Variants in IKZF1 observed in about 807,000 individuals in gnomAD.
IKZF1 encodes IKAROS family zinc finger 1, also known as DNA-binding protein Ikaros.
IKZF1 carries 10 observed loss-of-function variants against 51.7 expected under a neutral mutation model. The ratio of observed to expected loss-of-function variants is 0.19; its 90% CI spans 0.12 to 0.33. The LOEUF (loss-of-function observed/expected upper bound fraction) is 0.33, where lower values mean the gene tolerates loss of function less well. IKZF1 is among the 10% of genes least tolerant of loss of function. IKZF1 has a pLI of 1.00. For synonymous variants in IKZF1, 280 were observed against 282.3 expected, an observed-to-expected ratio of 0.99 and a Z score of 0.08; for missense variants, 484 against 707.5, an observed-to-expected ratio of 0.68 and a Z score of 3.58.
intron 2 of IKZF1, among the ~76,000 whole-genome samples, chr7:50,322,379 G>A (rs1204256638): frequency 1.3e-5 from 2 of 152,140 alleles, no homozygotes; most frequent in Non-Finnish European, 2.9e-5. Context: ...TAGATAAACA[G>A]ATAAATACTT....
At chr7:50,366,317 A>G (rs1806935110) in intron 3 of IKZF1, among the ~76,000 whole-genome samples, 1 of 152,240 alleles carries the variant, frequency 6.6e-6, no homozygotes, top group Non-Finnish European at 1.5e-5. Context: ...TTCAATGGCA[A>G]TGTGTGAAGT....
intron 3 of IKZF1, chr7:50,369,828 C>T (rs545992769): frequency 2.7e-6 from 1 of 366,646 alleles, no homozygotes; most frequent in Non-Finnish European, 4.8e-6. Context: ...TGACTTCATT[C>T]CATTTAAAGG....
intron 3 of IKZF1, among the ~76,000 whole-genome samples, chr7:50,332,911 G>A (rs1222144457): frequency 1.3e-5 from 2 of 152,150 alleles, no homozygotes; most frequent in Non-Finnish European, 2.9e-5. Flanking sequence ...AGTTGGGAGG[G>A]GATCGCCATG....
chr7:50,316,693 T>C (rs144444118), intron 1 of IKZF1, among the ~76,000 whole-genome samples: 4 of 152,338 alleles, frequency 2.6e-5, no homozygotes, highest in African/African-American at 7.2e-5. Flanking sequence ...CTTGAAACTG[T>C]TCTCACATCT....
intron 2 of IKZF1, among the ~76,000 whole-genome samples, chr7:50,325,068 TGG>T (rs1794520337): frequency 6.6e-6 from 1 of 152,128 alleles, no homozygotes; most frequent in Admixed American, 6.5e-5. Flanking sequence ...GTTTACTCAT[TGG>T]GATAGCATGT....
intron 7 of IKZF1, 65 bp downstream of exon 7, chr7:50,391,928 A>G: frequency 6.5e-7 from 1 of 1,542,492 alleles, no homozygotes; most frequent in Non-Finnish European, 8.8e-7. Flanking sequence ...TGCAAGTAGA[A>G]ATGAGTTGAG....
chr7:50,325,263 AC>A (rs1017810415), intron 2 of IKZF1, among the ~76,000 whole-genome samples: 1 of 90,510 alleles, frequency 1.1e-5, no homozygotes, highest in African/African-American at 4.6e-5. Context: ...CCACCCCCCA[AC>A]CCCCCGCTGC....
intron 7 of IKZF1, chr7:50,394,317 AC>A (rs1250877110): frequency 4.3e-6 from 1 of 232,742 alleles, no homozygotes; most frequent in Non-Finnish European, 8.5e-6. Flanking sequence ...TCCATCAGTC[AC>A]TCCCAATGTG....
intron 1 of IKZF1, chr7:50,308,949 A>C (rs1247550715): frequency 6.6e-6 from 1 of 152,472 alleles, no homozygotes; most frequent in Non-Finnish European, 1.5e-5. Context: ...ATGGATTGGA[A>C]TAGCCATTGT....
At chr7:50,363,178 T>C (rs79644605) in intron 3 of IKZF1, among the ~76,000 whole-genome samples, 4,456 of 152,252 alleles carry the variant, frequency 0.029, 223 homozygotes, top group African/African-American at 0.1. Flanking sequence ...GGTGTGCATG[T>C]TCCAGGCATG....
chr7:50,341,168 G>T (rs1798979906), intron 3 of IKZF1, among the ~76,000 whole-genome samples: 1 of 120,702 alleles, frequency 8.3e-6, no homozygotes, highest in African/African-American at 3.2e-5. Context: ...TTTTTAGACA[G>T]AGTTTCACTC....
intron 1 of IKZF1, among the ~76,000 whole-genome samples, chr7:50,308,109 T>G (rs1789252984): frequency 6.6e-6 from 1 of 152,206 alleles, no homozygotes; most frequent in Non-Finnish European, 1.5e-5. Flanking sequence ...TTTGGTAATA[T>G]TCCAACAAAT....
chr7:50,370,657 T>G lies in IKZF1; in HGVS notation c.161-5876T>G, dbSNP rs907411530. On this transcript the variant is annotated intron_variant, in intron 3 of 7. Coordinates refer to ENST00000331340, the MANE Select transcript of IKZF1 (RefSeq NM_006060.6). ...GAAAACATCCACTCTTCATATTTAT[T>G]GTCACATTTATTGAGTAATAAAATT... 3.3e-5 allele frequency among the ~76,000 whole-genome samples: 5 copies of G among 152,260 alleles called. No homozygotes were observed. In the East Asian group the frequency reaches 9.6e-4, roughly 29 times the overall value.
chr7:50,376,902 G>T lies in IKZF1; in HGVS notation c.421+109G>T. 1 of 1,491,702 alleles carries T rather than the reference G, an allele frequency of 6.7e-7. No individual in the cohort carries two copies. Among genetic ancestry groups the T allele is most frequent in the Non-Finnish European group, 8.9e-7 (1 of 1,118,418 alleles). The allele number at this position is 1,491,702 out of a possible 1,614,324, so 92.4% of individuals were successfully genotyped here. On this transcript the variant is annotated intron_variant, in intron 4 of 7. Coordinates refer to ENST00000331340, the MANE Select transcript of IKZF1 (RefSeq NM_006060.6). The surrounding 1 kb of genome is among the most constrained non-coding windows in gnomAD (Gnocchi z 4.5). The stretch of plus-strand genomic sequence containing the variant: ...GTTCTGAGCATGTTTCTAATTGACT[G>T]GTAGCTCAGTTGTTGCAAGCGATTG...
chr7:50,309,074 C>T (rs550285050), intron 1 of IKZF1, among the ~76,000 whole-genome samples: 113 of 152,320 alleles, frequency 7.4e-4, no homozygotes, highest in African/African-American at 2.6e-3. Flanking sequence ...CATTATGCTC[C>T]GTCTGAACGC....
chr7:50,352,235 C>G (rs1228852462), intron 3 of IKZF1, among the ~76,000 whole-genome samples: 2 of 152,192 alleles, frequency 1.3e-5, no homozygotes, highest in African/African-American at 4.8e-5. Flanking sequence ...GAGCTAATAG[C>G]TGTACCCTAA....
At chr7:50,337,360 AGCTGG>A (rs1184788897) in intron 3 of IKZF1, among the ~76,000 whole-genome samples, 3 of 152,130 alleles carry the variant, frequency 2.0e-5, no homozygotes, top group African/African-American at 4.8e-5. Context: ...GTCACCTATG[AGCTGG>A]GCCTGGGCCT....
chr7:50,395,099 G>T (rs913175731), intron 7 of IKZF1, among the ~76,000 whole-genome samples: 1 of 152,086 alleles, frequency 6.6e-6, no homozygotes. Flanking sequence ...TTAATATAAA[G>T]AATTTTAATG....
chr7:50,398,776 T>A (rs1217221469), intron 7 of IKZF1, among the ~76,000 whole-genome samples: 1 of 152,226 alleles, frequency 6.6e-6, no homozygotes, highest in Non-Finnish European at 1.5e-5. Flanking sequence ...GATGGGCTCA[T>A]GTGCTTTGAC....
Sources: gnomAD v4.1 joint callset for allele counts (sites outside exome capture counted in the v4.1 genomes callset) on GRCh38, gnomAD v4.1.1 for gene constraint, Gnocchi (gnomAD v3.1) non-coding constraint, MANE v1.5 for transcripts, NCBI Gene and HGNC (gene_info 2026-07-23, HGNC 2026-07-21) for gene names.